XRN2: variants seen among roughly 807,000 people sequenced by gnomAD.
The protein encoded by XRN2 is 5'-3' exoribonuclease 2, also known as DHM1-like protein.
Under a neutral mutation model 138.5 loss-of-function variants are expected in XRN2, and 44 were observed. That is an observed-to-expected ratio of 0.32 (90% confidence interval 0.25 to 0.41). The LOEUF (loss-of-function observed/expected upper bound fraction) is 0.41, where lower values mean the gene tolerates loss of function less well. Among genes scored for constraint, XRN2 ranks in the 10% least tolerant of loss-of-function variants. The pLI is 1.00. For missense variants in XRN2, 937 were observed against 1,169.3 expected (o/e 0.80, Z 2.90); for synonymous variants, 354 against 369.4 (o/e 0.96, Z 0.48).
chr20:21,361,805 T>A (rs1195647317), intron 24 of XRN2, among the ~76,000 whole-genome samples: 1 of 152,262 alleles, frequency 6.6e-6, no homozygotes, highest in Non-Finnish European at 1.5e-5. Context: ...TTTGTTTGAA[T>A]CTGAGTTATG....
intron 20 of XRN2, among the ~76,000 whole-genome samples, chr20:21,353,980 A>T (rs934401493): frequency 2.0e-5 from 3 of 152,176 alleles, no homozygotes; most frequent in African/African-American, 7.2e-5. Context: ...ACTATTTAGC[A>T]TTTGTCTTTG....
chr20:21,315,278 C>CT (rs1266892317), intron 1 of XRN2, among the ~76,000 whole-genome samples: 1 of 152,188 alleles, frequency 6.6e-6, no homozygotes, highest in Non-Finnish European at 1.5e-5. Context: ...AGAAAAGGAA[C>CT]TGAGTTAGTC....
intron 1 of XRN2, among the ~76,000 whole-genome samples, chr20:21,312,555 C>T (rs1029320908): frequency 6.6e-6 from 1 of 151,882 alleles, no homozygotes; most frequent in Non-Finnish European, 1.5e-5. Context: ...GACTTAAATG[C>T]CTAAACTCTA....
At chr20:21,312,465 A>T (rs1363834039) in intron 1 of XRN2, among the ~76,000 whole-genome samples, 1 of 152,094 alleles carries the variant, frequency 6.6e-6, no homozygotes, top group African/African-American at 2.4e-5. Context: ...TGATTCAGTC[A>T]TCAGCTTCTT....
chr20:21,384,920 G>A (rs1012155), intron 28 of XRN2, among the ~76,000 whole-genome samples: 12,258 of 152,234 alleles, frequency 0.081, 633 homozygotes, highest in East Asian at 0.16. Context: ...GTCTAGACAT[G>A]TGATAAACTT....
intron 24 of XRN2, among the ~76,000 whole-genome samples, chr20:21,362,758 T>C (rs1381246263): frequency 6.6e-6 from 1 of 152,208 alleles, no homozygotes; most frequent in Non-Finnish European, 1.5e-5. Context: ...CAACTGGAGT[T>C]CCATGGGAGA....
At chr20:21,367,369 A>G (rs755000190) in intron 26 of XRN2, among the ~76,000 whole-genome samples, 2 of 152,186 alleles carry the variant, frequency 1.3e-5, no homozygotes, top group Non-Finnish European at 2.9e-5. Context: ...AGATGTTTCC[A>G]GTTAGTGGGG....
At position 21,331,835 on chromosome 20, in the gene XRN2, G is replaced by T. The variant is rs770174467; in HGVS notation, c.700+17G>T. On this transcript the variant is annotated intron_variant, in intron 8 of 29. Transcript: ENST00000377191. ...GAGCAGATGGTAAGTTTCTTCTTTGGGATTTGCTTCTTTTGGATTAAACCA... is the reference window on the plus strand; with the variant it reads ...GAGCAGATGGTAAGTTTCTTCTTTGTGATTTGCTTCTTTTGGATTAAACCA... 1.2e-5 allele frequency: 20 copies of T among 1,610,794 alleles called. No individual in the cohort carries two copies. The South Asian group carries it at 2.2e-4, about 18-fold the overall frequency.
In XRN2 at chr20:21,328,649, A is replaced by C. The variant is rs1282174840; in HGVS notation, c.406A>C (p.Arg136=). 1 of 1,613,944 alleles carries C rather than the reference A, an allele frequency of 6.2e-7. No homozygotes were observed. Among genetic ancestry groups the C allele is most frequent in the South Asian group, 1.1e-5 (1 of 90,974 alleles). ...MEAAVEKQRV[R]EEILAKGGFL... Reference sequence around the variant, plus strand: ...AGCAGCAGTCGAGAAGCAGCGAGTCAGGGAAGAAATATTGGCAAAAGGTAA... The same window carrying C: ...AGCAGCAGTCGAGAAGCAGCGAGTCCGGGAAGAAATATTGGCAAAAGGTAA... The change falls in exon 4 of 30, where the codon AGG becomes CGG. Residue 136 remains arginine, a synonymous_variant. Coordinates refer to ENST00000377191, the MANE Select transcript of XRN2 (RefSeq NM_012255.5).
At chr20:21,305,090 ATCTT>A (rs2037797841) in intron 1 of XRN2, among the ~76,000 whole-genome samples, 1 of 152,182 alleles carries the variant, frequency 6.6e-6, no homozygotes, top group African/African-American at 2.4e-5. Flanking sequence ...ATCAAGAGTC[ATCTT>A]TCTTCTTGAA....
At chr20:21,376,059 C>T (rs1329162829) in intron 27 of XRN2, among the ~76,000 whole-genome samples, 2 of 152,142 alleles carry the variant, frequency 1.3e-5, no homozygotes, top group Non-Finnish European at 2.9e-5. Flanking sequence ...AGGATGGTCT[C>T]GATCTCCTGA....
At chr20:21,340,621 C>A in intron 14 of XRN2, 100 bp from the exon 15 acceptor site, 1 of 1,356,682 alleles carries the variant, frequency 7.4e-7, no homozygotes, top group Non-Finnish European at 1.0e-6. Flanking sequence ...TTGTAAAGTG[C>A]TTACAGTTTG....
chr20:21,310,312 T>G (rs1275838187), intron 1 of XRN2, among the ~76,000 whole-genome samples: 3 of 152,204 alleles, frequency 2.0e-5, no homozygotes, highest in African/African-American at 7.2e-5. Flanking sequence ...TAATTTGAGG[T>G]CTGTTGAAGT....
At chr20:21,357,438 C>T (rs1375446809) in intron 23 of XRN2, among the ~76,000 whole-genome samples, 1 of 152,058 alleles carries the variant, frequency 6.6e-6, no homozygotes, top group Non-Finnish European at 1.5e-5. Context: ...TTTTGGCAAA[C>T]CCTTGTCACA....
At chr20:21,332,723 A>C (rs1281914808) in intron 9 of XRN2, among the ~76,000 whole-genome samples, 1 of 152,168 alleles carries the variant, frequency 6.6e-6, no homozygotes, top group Non-Finnish European at 1.5e-5. Context: ...AGTACTTTAA[A>C]ATAAACCTGC....
chr20:21,375,010 C>CT (rs34212552), intron 27 of XRN2, among the ~76,000 whole-genome samples: 16,745 of 43,084 alleles, frequency 0.39, 4,081 homozygotes, highest in Non-Finnish European at 0.4. Flanking sequence ...TTGGTAAGTT[C>CT]TTTTTTTTTT....
chr20:21,351,052 GTGTT>G (rs2038504423), intron 20 of XRN2, among the ~76,000 whole-genome samples: 1 of 152,156 alleles, frequency 6.6e-6, no homozygotes, highest in Non-Finnish European at 1.5e-5. Context: ...ATATATTTTT[GTGTT>G]TGTTAAATAA....
At chr20:21,352,727 A>G (rs2038525121) in intron 20 of XRN2, among the ~76,000 whole-genome samples, 1 of 152,200 alleles carries the variant, frequency 6.6e-6, no homozygotes, top group African/African-American at 2.4e-5. Flanking sequence ...TATTTTATAT[A>G]TGAATAGAGA....
intron 1 of XRN2, among the ~76,000 whole-genome samples, chr20:21,309,380 A>G (rs2037847374): frequency 6.6e-6 from 1 of 151,980 alleles, no homozygotes; most frequent in Non-Finnish European, 1.5e-5. Context: ...TATTTTTTGG[A>G]TGAGCTTTTT....
Sources: allele counts gnomAD v4.1 joint callset (sites outside exome capture counted in the v4.1 genomes callset), GRCh38; gene constraint gnomAD v4.1.1; transcripts MANE v1.5; gene names NCBI Gene and HGNC (gene_info 2026-07-23, HGNC 2026-07-21).